FNDC3B: variants seen among roughly 807,000 people sequenced by gnomAD.
FNDC3B encodes the protein fibronectin type III domain-containing protein 3B.
A neutral mutation model predicts 151.5 loss-of-function variants in FNDC3B; 12 were observed. The ratio of observed to expected loss-of-function variants is 0.08; its 90% confidence interval spans 0.05 to 0.13. The LOEUF is 0.13. Ranked by LOEUF, FNDC3B falls within the 10% of genes least tolerant of loss-of-function variation. The probability of loss-of-function intolerance (pLI) is 1.00; values close to 1 mark genes in which losing one functional copy is unlikely to be tolerated. For synonymous variants in FNDC3B, 528 were observed against 549.0 expected (o/e 0.96, Z 0.54); for missense variants, 1,214 against 1,505.3 (o/e 0.81, Z 3.20).
chr3:172,040,394 C>A lies in FNDC3B; in HGVS notation c.-29+623C>A, dbSNP rs879655736. 1.9e-3 allele frequency among the ~76,000 whole-genome samples: 291 copies of A among 151,838 alleles called. No individual in the cohort carries two copies. Among genetic ancestry groups the A allele is most frequent in the Admixed American group, 2.5e-3 (38 of 15,284 alleles). ...GGGTCCCGAGCCCGCGCCGGCCTGG[C>A]CCCCCCGTCCCCGGCTGGGCCTCTC... On this transcript the variant is annotated intron_variant, in intron 1 of 25. Coordinates refer to ENST00000415807, the MANE Select transcript of FNDC3B (RefSeq NM_022763.4). The surrounding 1 kb of genome is among the most constrained non-coding windows in gnomAD (Gnocchi z 6.6).
intron 5 of FNDC3B, among the ~76,000 whole-genome samples, chr3:172,248,367 T>G (rs922367426): frequency 6.6e-6 from 1 of 152,190 alleles, no homozygotes; most frequent in Non-Finnish European, 1.5e-5. Context: ...TTTCACTGAT[T>G]GTTAGGCAAA....
At chr3:172,043,057 G>T (rs1374827922) in intron 1 of FNDC3B, among the ~76,000 whole-genome samples, 1 of 152,082 alleles carries the variant, frequency 6.6e-6, no homozygotes, top group Non-Finnish European at 1.5e-5. Flanking sequence ...TGGGATTACA[G>T]GCGCTTGCCA....
chr3:172,302,520 C>T (rs1160144589), intron 9 of FNDC3B: 1 of 152,152 alleles, frequency 6.6e-6, no homozygotes, highest in Non-Finnish European at 1.5e-5. Flanking sequence ...TCTTCTTTTC[C>T]ACTTTTACTA....
chr3:172,328,761 G>T (rs961969177), intron 11 of FNDC3B, among the ~76,000 whole-genome samples, 191 bp from the exon 12 acceptor site: 2 of 152,146 alleles, frequency 1.3e-5, no homozygotes, highest in African/African-American at 4.8e-5. Context: ...TTATGTTAGA[G>T]ATGAGATTTC....
intron 9 of FNDC3B, among the ~76,000 whole-genome samples, chr3:172,299,832 C>T (rs1730816182): frequency 6.6e-6 from 1 of 151,980 alleles, no homozygotes; most frequent in African/African-American, 2.4e-5. Context: ...CTGCCCTGAA[C>T]GGGCTGTTTT....
intron 1 of FNDC3B, 22 bp downstream of exon 1, chr3:172,039,793 G>T (rs1356787517): frequency 6.5e-6 from 1 of 153,216 alleles, no homozygotes; most frequent in South Asian, 1.8e-4. Flanking sequence ...AAGAGCCGGG[G>T]ACTAGAGGAG....
intron 23 of FNDC3B, among the ~76,000 whole-genome samples, chr3:172,374,483 C>T (rs779192002): frequency 2.6e-5 from 4 of 152,190 alleles, no homozygotes; most frequent in Non-Finnish European, 4.4e-5. Context: ...CAACCTCTGC[C>T]TACCGGATTC....
At chr3:172,158,593 T>C (rs1444061361) in intron 3 of FNDC3B, among the ~76,000 whole-genome samples, 1 of 152,200 alleles carries the variant, frequency 6.6e-6, no homozygotes, top group East Asian at 1.9e-4. Context: ...GCAAATACTT[T>C]CTTGTCTTTC....
chr3:172,376,886 G>GA, intron 23 of FNDC3B, among the ~76,000 whole-genome samples: 1 of 150,322 alleles, frequency 6.7e-6, no homozygotes, highest in East Asian at 1.9e-4. Flanking sequence ...AAAAGAAAAA[G>GA]AAAAGAAAAT....
At chr3:172,091,592 C>T (rs983991528) in intron 1 of FNDC3B, among the ~76,000 whole-genome samples, 1 of 152,016 alleles carries the variant, frequency 6.6e-6, no homozygotes, top group Admixed American at 6.6e-5. Flanking sequence ...TGCATGCATG[C>T]ATGTTTGTGT....
At chr3:172,364,292 A>C (rs1181826056) in intron 23 of FNDC3B, among the ~76,000 whole-genome samples, 1 of 152,226 alleles carries the variant, frequency 6.6e-6, no homozygotes, top group Non-Finnish European at 1.5e-5. Flanking sequence ...AAAAACTAGC[A>C]TTGGGGGAAA....
At chr3:172,319,683 T>G (rs1731983681) in intron 11 of FNDC3B, among the ~76,000 whole-genome samples, 1 of 152,104 alleles carries the variant, frequency 6.6e-6, no homozygotes, top group Non-Finnish European at 1.5e-5. Flanking sequence ...ATGCAGAGTG[T>G]CCCTCCCTCC....
intron 6 of FNDC3B, among the ~76,000 whole-genome samples, chr3:172,257,423 T>G (rs1174399892): frequency 2.0e-5 from 3 of 152,182 alleles, no homozygotes; most frequent in Non-Finnish European, 2.9e-5. Context: ...GTGGTTTCCC[T>G]TTCAGTAAAA....
chr3:172,206,593 A>T lies in FNDC3B; in HGVS notation c.188-20278A>T, dbSNP rs541794432. ...AGAATCACGTGAATCCAGAAGGCGG[A>T]TGTTGCAAGGAGCCGAGACTGCACC... On this transcript the variant is annotated intron_variant, in intron 3 of 25. Coordinates refer to ENST00000415807, the MANE Select transcript of FNDC3B (RefSeq NM_022763.4). 6.0e-5 allele frequency among the ~76,000 whole-genome samples: 8 copies of T among 132,776 alleles called. No individual in the cohort carries two copies. The South Asian group carries it at 2.1e-3, about 35-fold the overall frequency. 87.1% of individuals were successfully genotyped at this position (132,776 alleles called of 152,430 possible).
At chr3:172,165,120 C>A (rs908351947) in intron 3 of FNDC3B, among the ~76,000 whole-genome samples, 5 of 152,188 alleles carry the variant, frequency 3.3e-5, no homozygotes, top group Admixed American at 3.3e-4. Context: ...CTCAAGTAAT[C>A]CTCCTGCCTC....
chr3:172,370,225 G>T (rs902460609), intron 23 of FNDC3B, among the ~76,000 whole-genome samples: 2 of 152,174 alleles, frequency 1.3e-5, no homozygotes, highest in South Asian at 2.1e-4. Flanking sequence ...TAAGTTATAG[G>T]CCAGTTAGAG....
intron 4 of FNDC3B, among the ~76,000 whole-genome samples, chr3:172,243,295 C>T (rs1286594380): frequency 1.1e-4 from 17 of 152,216 alleles, no homozygotes; most frequent in Admixed American, 5.2e-4. Context: ...CAATGTGCCA[C>T]TCTTCTTGGA....
At chr3:172,196,112 C>G (rs764408598) in intron 3 of FNDC3B, among the ~76,000 whole-genome samples, 2 of 152,020 alleles carry the variant, frequency 1.3e-5, no homozygotes, top group South Asian at 2.1e-4. Flanking sequence ...ATGAAGCCAC[C>G]CACACTAAAG....
chr3:172,285,108 G>A (rs1192034869), intron 6 of FNDC3B, among the ~76,000 whole-genome samples: 2 of 151,522 alleles, frequency 1.3e-5, no homozygotes, highest in South Asian at 2.1e-4. Flanking sequence ...CATTTCCCTC[G>A]TGTTATTAAA....
Sources: allele counts gnomAD v4.1 joint callset (sites outside exome capture counted in the v4.1 genomes callset), GRCh38; gene constraint gnomAD v4.1.1; non-coding constraint Gnocchi (gnomAD v3.1); transcripts MANE v1.5; gene names NCBI Gene and HGNC (gene_info 2026-07-23, HGNC 2026-07-21).